C3AR1: variants seen among roughly 807,000 people sequenced by gnomAD.
C3AR1 encodes C3a anaphylatoxin chemotactic receptor.
For missense variants in C3AR1, 579 were observed against 583.5 expected (o/e 0.99, Z 0.08); for synonymous variants, 208 against 225.3 (o/e 0.92, Z 0.69).
Position 8,058,842 on chromosome 12 carries a change from C to T in C3AR1, c.1344G>A (p.Gln448=), listed in dbSNP as rs770525092. 5 of 1,614,208 alleles carry T rather than the reference C, an allele frequency of 3.1e-6. 1 individual carries two copies. In the South Asian group the frequency reaches 5.5e-5, roughly 18 times the overall value. ...LGKDFRKKAR[Q]SIQGILEAAF... ...CTGCCTCCAGAATTCCCTGAATGGACTGCCTTGCTTTCTTCCTAAAATCTT... is the reference window on the plus strand; with the variant it reads ...CTGCCTCCAGAATTCCCTGAATGGATTGCCTTGCTTTCTTCCTAAAATCTT... The change falls in exon 2 of 2, where the codon CAG becomes CAA. Residue 448 remains glutamine (Q), a synonymous_variant. Coordinates refer to ENST00000307637, the MANE Select transcript of C3AR1 (RefSeq NM_004054.4).
rs11567794 is a variant in C3AR1 at position 8,063,540 on chromosome 12, T to G, written c.-11+2738A>C. On this transcript the variant is annotated intron_variant, in intron 1 of 1. Coordinates refer to ENST00000307637, the MANE Select transcript of C3AR1 (RefSeq NM_004054.4). The stretch of plus-strand genomic sequence containing the variant: ...TTCCATGGCTAATGCTGTTTACTTC[T>G]ATCTGGAATTATGCCCTTCACCAAG... 8.2e-3 allele frequency among the ~76,000 whole-genome samples: 1,248 copies of G among 152,294 alleles called. 11 individuals carry two copies. Among genetic ancestry groups the G allele is most frequent in the African/African-American group, 0.025 (1,055 of 41,558 alleles).
rs983070545 is a variant in C3AR1 at position 8,064,698 on chromosome 12, A to AG, written c.-11+1579_-11+1580insC. 3.1e-3 allele frequency among the ~76,000 whole-genome samples: 465 copies of AG among 152,010 alleles called. 4 individuals carry two copies. The highest frequency in any genetic ancestry group is 9.9e-3 in the African/African-American group (412 of 41,462). ...AAGCAAAACTCCATCTCAAAAAAAA[A>AG]AAAAGAAGAAGAAATTATTCTCATT... On this transcript the variant is annotated intron_variant, in intron 1 of 1. Coordinates refer to ENST00000307637, the MANE Select transcript of C3AR1 (RefSeq NM_004054.4).
In C3AR1 at chr12:8,059,485, A is replaced by C. The variant is rs763382819; in HGVS notation, c.701T>G (p.Phe234Cys). The change falls in exon 2 of 2, where the codon TTT becomes TGT. Residue 234 changes from phenylalanine to cysteine, a missense_variant. Transcript: ENST00000307637. Reference protein sequence around the residue: ...TVPTVFQPQTFQRPSADSLPR... With the variant: ...TVPTVFQPQTCQRPSADSLPR... ...GAGTGAATCTGCAGAAGGTCTTTGA[A>C]ATGTTTGAGGTTGGAAGACAGTGGG... The C allele has an allele frequency of 1.9e-4, 307 of 1,614,024 alleles. No homozygotes were observed. The highest frequency in any genetic ancestry group is 2.4e-4 in the Non-Finnish European group (281 of 1,180,032).
Position 8,059,625 on chromosome 12 carries a change from A to G in C3AR1, c.561T>C (p.Phe187=). 6.2e-7 allele frequency: 1 copy of G among 1,614,152 alleles called. No homozygotes were observed. Among genetic ancestry groups the G allele is most frequent in the Non-Finnish European group, 8.5e-7 (1 of 1,180,022 alleles). Residue 187 remains phenylalanine, a synonymous_variant, in exon 2 of 2, where the codon TTT becomes TTC. Transcript: ENST00000307637. The part of the protein sequence containing the change: ...GLSSSLDYPD[F]YGDPLENRSL... ...ACCTGTTTTCTAGTGGATCTCCATA[A>G]AAGTCTGGATAATCTAATGAGCTGG... is the stretch of plus-strand genomic sequence containing the variant.
At chr12:8,063,294 C>T (rs1947296221) in intron 1 of C3AR1, among the ~76,000 whole-genome samples, 1 of 152,110 alleles carries the variant, frequency 6.6e-6, no homozygotes, top group Non-Finnish European at 1.5e-5. Context: ...GTATCTTCTG[C>T]TTCCATAATT....
Position 8,059,958 on chromosome 12 carries a change from G to C in C3AR1, c.228C>G (p.Pro76=), listed in dbSNP as rs1395600058. Residue 76 remains proline, a synonymous_variant, in exon 2 of 2, where the codon CCC becomes CCG. Coordinates refer to ENST00000307637, the MANE Select transcript of C3AR1 (RefSeq NM_004054.4). The stretch of plus-strand genomic sequence containing the variant: ...GGAGAGCCAAGTGAGCCAGCGAGAA[G>C]GGCAAGGAGAGGCAGCAGAGGAGGT... ...LADLLCCLSL[P]FSLAHLALQG... 1 of 1,614,154 alleles carries C rather than the reference G, an allele frequency of 6.2e-7. No homozygotes were observed. Among genetic ancestry groups the C allele is most frequent in the Admixed American group, 1.7e-5 (1 of 60,016 alleles).
At position 8,059,737 on chromosome 12, in the gene C3AR1, G is replaced by C. The variant is rs1337354097; in HGVS notation, c.449C>G (p.Ala150Gly). 1 of 1,614,140 alleles carries C rather than the reference G, an allele frequency of 6.2e-7. No individual in the cohort carries two copies. The part of the protein sequence containing the change: ...CSICGCIWVV[A>G]FVMCIPVFVY... ...GAACACAGGAATGCACATCACAAAA[G>C]CCACCACCCAGATACATCCACAGAT... The change falls in exon 2 of 2, where the codon GCT (alanine) becomes GGT (glycine). Residue 150 changes from alanine to glycine, a missense_variant. By Grantham distance (60) the Ala-to-Gly change is moderately conservative. Coordinates refer to ENST00000307637, the MANE Select transcript of C3AR1 (RefSeq NM_004054.4).
chr12:8,062,304 T>G (rs956980673), intron 1 of C3AR1, among the ~76,000 whole-genome samples: 1 of 152,212 alleles, frequency 6.6e-6, no homozygotes, highest in African/African-American at 2.4e-5. Flanking sequence ...TTATACAATA[T>G]GTACCATAAG....
At chr12:8,065,434 T>C (rs952620597) in intron 1 of C3AR1, among the ~76,000 whole-genome samples, 6 of 151,992 alleles carry the variant, frequency 3.9e-5, no homozygotes, top group Non-Finnish European at 8.8e-5. Context: ...GTAGATCACC[T>C]GAGGTCAGGA....
chr12:8,058,929 T>A lies in C3AR1; in HGVS notation c.1257A>T (p.Val419=). 1 of 1,614,152 alleles carries A rather than the reference T, an allele frequency of 6.2e-7. No homozygotes were observed. The highest frequency in any genetic ancestry group is 8.5e-7 in the Non-Finnish European group (1 of 1,180,012). The change falls in exon 2 of 2, where the codon GTA becomes GTT. Residue 419 remains valine (V), a synonymous_variant. Coordinates refer to ENST00000307637, the MANE Select transcript of C3AR1 (RefSeq NM_004054.4). ...LGKTLMSWDH[V]CIALASANSC... ...TATTGGCAGATGCTAGAGCAATGCA[T>A]ACATGATCCCAGGACATCAGAGTTT...
At chr12:8,062,487 T>C (rs1473966240) in intron 1 of C3AR1, among the ~76,000 whole-genome samples, 1 of 152,098 alleles carries the variant, frequency 6.6e-6, no homozygotes, top group Non-Finnish European at 1.5e-5. Flanking sequence ...ATTTTTCAAC[T>C]GTCCCTAAGA....
At chr12:8,062,082 G>A (rs778731710) in intron 1 of C3AR1, among the ~76,000 whole-genome samples, 2 of 152,114 alleles carry the variant, frequency 1.3e-5, no homozygotes, top group South Asian at 4.1e-4. Context: ...AGCTTCCTCC[G>A]CGTTGTGGCA....
chr12:8,059,620 C>A lies in C3AR1; in HGVS notation c.566G>T (p.Gly189Val). 1 of 1,614,058 alleles carries A rather than the reference C, an allele frequency of 6.2e-7. No homozygotes were observed. Among genetic ancestry groups the A allele is most frequent in the Non-Finnish European group, 8.5e-7 (1 of 1,180,002 alleles). The change falls in exon 2 of 2, where the codon GGA (glycine) becomes GTA (valine). Residue 189 changes from glycine (G) to valine (V), a missense_variant. Physicochemically the swap from Gly to Val is moderately radical, Grantham distance 109. Transcript: ENST00000307637. ...SSSLDYPDFY[G>V]DPLENRSLEN... ...AAGAGACCTGTTTTCTAGTGGATCT[C>A]CATAAAAGTCTGGATAATCTAATGA...
Position 8,057,673 on chromosome 12 carries a change from G to A in C3AR1, c.*1064C>T, listed in dbSNP as rs748081567. Among the ~76,000 whole-genome samples, 1 of 152,246 alleles carries A rather than the reference G, an allele frequency of 6.6e-6. No individual in the cohort carries two copies. Among genetic ancestry groups the A allele is most frequent in the South Asian group, 2.1e-4 (1 of 4,830 alleles). ...TTAAAAAACCCAGAAGATATATTTG[G>A]TAATTTTGGCATGTAAGTTGCCTGT... On this transcript the variant is annotated 3_prime_UTR_variant, in exon 2 of 2. Transcript: ENST00000307637.
At chr12:8,061,986 G>T (rs1356554403) in intron 1 of C3AR1, among the ~76,000 whole-genome samples, 5 of 152,064 alleles carry the variant, frequency 3.3e-5, no homozygotes, top group African/African-American at 1.2e-4. Context: ...CTATGAATTC[G>T]ACTACTTTAG....
Position 8,059,197 on chromosome 12 carries a change from G to A in C3AR1, c.989C>T (p.Pro330Leu), listed in dbSNP as rs1402197552. 1.9e-6 allele frequency: 3 copies of A among 1,614,086 alleles called. No individual in the cohort carries two copies. The African/African-American group carries it at 4.0e-5, about 22-fold the overall frequency. ...LGQFTDDDQVPTPLVAITITR... is the reference protein window; with the variant it reads ...LGQFTDDDQVLTPLVAITITR... ...GATCGTTATTGCCACGAGGGGTGTT[G>A]GCACTTGATCGTCATCTGTGAATTG... Residue 330 changes from proline (P) to leucine (L), a missense_variant, in exon 2 of 2, where the codon CCA becomes CTA. Pro to Leu is a moderately conservative substitution (Grantham distance 98). Coordinates refer to ENST00000307637, the MANE Select transcript of C3AR1 (RefSeq NM_004054.4).
intron 1 of C3AR1, among the ~76,000 whole-genome samples, chr12:8,062,304 T>C (rs956980673): frequency 6.6e-6 from 1 of 152,212 alleles, no homozygotes; most frequent in African/African-American, 2.4e-5. Flanking sequence ...TTATACAATA[T>C]GTACCATAAG....
rs1947228321 is a variant in C3AR1, at chr12:8,058,932, A to G, written c.1254T>C (p.His418=). 1.2e-6 allele frequency: 2 copies of G among 1,614,182 alleles called. No homozygotes were observed. Among genetic ancestry groups the G allele is most frequent in the Non-Finnish European group, 1.7e-6 (2 of 1,180,016 alleles). Residue 418 remains histidine (H), a synonymous_variant, in exon 2 of 2, where the codon CAT becomes CAC. Transcript: ENST00000307637. ...PLGKTLMSWD[H]VCIALASANS... is the part of the protein sequence containing the mutation. ...TGGCAGATGCTAGAGCAATGCATAC[A>G]TGATCCCAGGACATCAGAGTTTTCC...
At chr12:8,065,330 A>G (rs1320165016) in intron 1 of C3AR1, among the ~76,000 whole-genome samples, 3 of 152,130 alleles carry the variant, frequency 2.0e-5, no homozygotes, top group African/African-American at 7.2e-5. Flanking sequence ...TTGAAATGAA[A>G]GTATGTAGGA....
Sources: allele counts gnomAD v4.1 joint callset (sites outside exome capture counted in the v4.1 genomes callset), GRCh38; gene constraint gnomAD v4.1.1; transcripts MANE v1.5; gene names NCBI Gene and HGNC (gene_info 2026-07-23, HGNC 2026-07-21).